PTPRE: variants seen among roughly 807,000 people sequenced by gnomAD.
PTPRE encodes the protein receptor-type tyrosine-protein phosphatase epsilon.
A neutral mutation model predicts 102.0 loss-of-function variants in PTPRE; 51 were observed. That is an observed-to-expected ratio of 0.50 (90% confidence interval 0.40 to 0.63). The LOEUF is 0.63. Among genes scored for constraint, PTPRE ranks in the 30% least tolerant of loss-of-function variants. The pLI, the probability that PTPRE is intolerant of heterozygous loss-of-function variation, is 0.00. For missense variants in PTPRE, 752 were observed against 915.1 expected, an observed-to-expected ratio of 0.82 and a Z score of 2.30; for synonymous variants, 345 against 348.2, an observed-to-expected ratio of 0.99 and a Z score of 0.10.
intron 2 of PTPRE, among the ~76,000 whole-genome samples, chr10:128,029,429 G>A (rs148630190): frequency 3.3e-5 from 5 of 152,138 alleles, no homozygotes; most frequent in Admixed American, 2.6e-4. Flanking sequence ...CCCATGGGGC[G>A]TCTGAAGCAG....
intron 2 of PTPRE, among the ~76,000 whole-genome samples, chr10:128,013,525 G>T (rs1389379956): frequency 6.6e-6 from 1 of 152,152 alleles, no homozygotes; most frequent in African/African-American, 2.4e-5. Flanking sequence ...AGACAGAGGA[G>T]GGATGTGCTA....
At chr10:127,960,486 C>G (rs373425082) in intron 1 of PTPRE, among the ~76,000 whole-genome samples, 2 of 152,214 alleles carry the variant, frequency 1.3e-5, no homozygotes, top group South Asian at 4.1e-4. Context: ...TTCCTTCTTG[C>G]CCCTCAGCAC....
intron 11 of PTPRE, among the ~76,000 whole-genome samples, chr10:128,067,007 C>A (rs1346047899): frequency 2.0e-5 from 3 of 150,470 alleles, no homozygotes; most frequent in Admixed American, 2.0e-4. Flanking sequence ...CACACGTACA[C>A]CTACCCACAC....
At chr10:127,913,078 T>C (rs1845971876) in intron 1 of PTPRE, among the ~76,000 whole-genome samples, 1 of 152,216 alleles carries the variant, frequency 6.6e-6, no homozygotes, top group Non-Finnish European at 1.5e-5. Context: ...GGACTTCCCC[T>C]GGCCCAGTGT....
chr10:128,032,855 A>G (rs4440945), intron 2 of PTPRE, among the ~76,000 whole-genome samples: 82,915 of 152,122 alleles, frequency 0.55, 22,750 homozygotes, highest in East Asian at 0.62. Flanking sequence ...GGCATTTATC[A>G]TATGGTGTGA....
intron 2 of PTPRE, among the ~76,000 whole-genome samples, chr10:128,029,373 AG>A (rs1417148228): frequency 6.6e-6 from 1 of 152,178 alleles, no homozygotes; most frequent in Non-Finnish European, 1.5e-5. Context: ...ACCCACTGTG[AG>A]CCAGGCCTGT....
intron 2 of PTPRE, among the ~76,000 whole-genome samples, chr10:128,016,051 T>C (rs1214920061): frequency 6.6e-6 from 1 of 152,052 alleles, no homozygotes; most frequent in Non-Finnish European, 1.5e-5. Flanking sequence ...GTGGGCTTCC[T>C]GGGGTTGCAG....
chr10:128,064,668 G>A (rs1294844470), intron 10 of PTPRE, among the ~76,000 whole-genome samples: 1 of 152,182 alleles, frequency 6.6e-6, no homozygotes, highest in Non-Finnish European at 1.5e-5. Context: ...AGTGTCACTG[G>A]CATTTTCTCT....
intron 1 of PTPRE, among the ~76,000 whole-genome samples, chr10:127,960,433 C>A (rs1395260825): frequency 6.6e-6 from 1 of 152,180 alleles, no homozygotes; most frequent in African/African-American, 2.4e-5. Flanking sequence ...TGGCCTTGGG[C>A]CCTTTGATCA....
In PTPRE at chr10:127,941,313, A is replaced by G. The variant is rs370324745; in HGVS notation, c.-31+34004A>G. Reference sequence around the variant, plus strand: ...CTGCCATTTAGCAATTGTGGGAGCAACACCTATTTATTGAGGGTCCATTCT... The same window carrying G: ...CTGCCATTTAGCAATTGTGGGAGCAGCACCTATTTATTGAGGGTCCATTCT... On this transcript the variant is annotated intron_variant, in intron 1 of 20. Coordinates refer to ENST00000254667, the MANE Select transcript of PTPRE (RefSeq NM_006504.6). 2.2e-3 allele frequency among the ~76,000 whole-genome samples: 330 copies of G among 152,350 alleles called. 3 individuals carry two copies. Among genetic ancestry groups the G allele is most frequent in the African/African-American group, 7.5e-3 (310 of 41,592 alleles).
rs370018461 is a variant in PTPRE at position 127,937,491 on chromosome 10, G to T, written c.-31+30182G>T. On this transcript the variant is annotated intron_variant, in intron 1 of 20. Transcript: ENST00000254667. ...CACATGAAGAAACAGAGGCCCCAGGGTTGTTTCTGATCCAGGTAGGATCAA... is the reference window on the plus strand; with the variant it reads ...CACATGAAGAAACAGAGGCCCCAGGTTTGTTTCTGATCCAGGTAGGATCAA... 1.8e-4 allele frequency among the ~76,000 whole-genome samples: 28 copies of T among 152,284 alleles called. No homozygotes were observed. In the East Asian group the frequency reaches 4.0e-3, roughly 22 times the overall value.
At chr10:128,075,018 CTGT>C (rs1851111164) in intron 17 of PTPRE, among the ~76,000 whole-genome samples, 4 of 152,172 alleles carry the variant, frequency 2.6e-5, no homozygotes, top group African/African-American at 7.2e-5. Context: ...CCTACGTAGA[CTGT>C]TGTTTAGTTT....
intron 1 of PTPRE, among the ~76,000 whole-genome samples, chr10:127,911,261 A>C (rs1009526973): frequency 6.6e-6 from 1 of 152,258 alleles, no homozygotes. Context: ...TGCGTGATTA[A>C]GTATTTTAAT....
At chr10:127,916,483 C>T (rs147420765) in intron 1 of PTPRE, among the ~76,000 whole-genome samples, 5,781 of 152,270 alleles carry the variant, frequency 0.038, 135 homozygotes, top group Middle Eastern at 0.085. Context: ...AACCTCTTTC[C>T]TTTATAAATT....
At chr10:128,023,708 C>A (rs187844398) in intron 2 of PTPRE, among the ~76,000 whole-genome samples, 41 of 152,300 alleles carry the variant, frequency 2.7e-4, no homozygotes, top group African/African-American at 9.9e-4. Context: ...TCCATTAGAG[C>A]CACGGCAGTT....
chr10:127,965,959 G>A (rs930270171), intron 1 of PTPRE, among the ~76,000 whole-genome samples: 1 of 152,222 alleles, frequency 6.6e-6, no homozygotes, highest in Admixed American at 6.5e-5. Flanking sequence ...GTCCGCTGGG[G>A]GCCATGAATG....
chr10:127,911,733 G>A (rs1845882202), intron 1 of PTPRE, among the ~76,000 whole-genome samples: 1 of 152,202 alleles, frequency 6.6e-6, no homozygotes, highest in Non-Finnish European at 1.5e-5. Context: ...TTTGGGCCAC[G>A]TGTCTCTCTG....
At chr10:127,983,836 G>A (rs1392149937) in intron 2 of PTPRE, among the ~76,000 whole-genome samples, 1 of 152,166 alleles carries the variant, frequency 6.6e-6, no homozygotes, top group African/African-American at 2.4e-5. Flanking sequence ...TGAGTCAGCA[G>A]CTCCCGCAGC....
At chr10:127,953,259 G>C (rs1351680868) in intron 1 of PTPRE, among the ~76,000 whole-genome samples, 1 of 152,224 alleles carries the variant, frequency 6.6e-6, no homozygotes, top group Non-Finnish European at 1.5e-5. Context: ...CGGTGTCAGT[G>C]GCCGATAGGG....
Sources: gnomAD v4.1 joint callset for allele counts (sites outside exome capture counted in the v4.1 genomes callset) on GRCh38, gnomAD v4.1.1 for gene constraint, MANE v1.5 for transcripts, NCBI Gene and HGNC (gene_info 2026-07-23, HGNC 2026-07-21) for gene names.